The following RACK1 variants were observed in gnomAD, a reference collection of about 807,000 sequenced individuals.
RACK1 encodes receptor for activated C kinase 1.
A neutral mutation model predicts 42.2 loss-of-function variants in RACK1; 3 were observed. The observed-to-expected ratio is 0.07, with a 90% CI of 0.03 to 0.18. RACK1 has a LOEUF of 0.18. Among genes scored for constraint, RACK1 ranks in the 10% least tolerant of loss-of-function variants. The pLI, the probability that RACK1 is intolerant of heterozygous loss-of-function variation, is 1.00. For missense variants in RACK1, 146 were observed against 403.2 expected, an observed-to-expected ratio of 0.36 and a Z score of 5.46; for synonymous variants, 181 against 154.8, an observed-to-expected ratio of 1.17 and a Z score of -1.25.
chr5:181,241,426 C>CAAAAA lies in RACK1; in HGVS notation c.429+61_429+65dup, dbSNP rs57063983. 1,087 of 1,073,490 alleles carry CAAAAA rather than the reference C, an allele frequency of 1.0e-3. 3 individuals are homozygous for CAAAAA. Among genetic ancestry groups the CAAAAA allele is most frequent in the African/African-American group, 5.0e-3 (179 of 35,602 alleles). The allele number at this position is 1,073,490 out of a possible 1,614,324, so 66.5% of individuals were successfully genotyped here. On this transcript the variant is annotated intron_variant, in intron 3 of 7. Coordinates refer to ENST00000512805, the MANE Select transcript of RACK1 (RefSeq NM_006098.5). Reference sequence around the variant, plus strand: ...GCTTGGGCAAGAGTGAGACTGTCGCCAAAAAAAAAAAAAAAAAGCAAAGTT... The same window carrying CAAAAA: ...GCTTGGGCAAGAGTGAGACTGTCGCCAAAAAAAAAAAAAAAAAAAAAAGCAAAGTT...
rs189371625 is a variant in RACK1, at chr5:181,241,481, G to A, written c.429+11C>T. ...AGGGTGGAAGAGATCCTTGGAGATG[G>A]CTCACTTTACCTGGACAGTGTATTT... On this transcript the variant is annotated intron_variant, in intron 3 of 7. Coordinates refer to ENST00000512805, the MANE Select transcript of RACK1 (RefSeq NM_006098.5). 4.6e-5 allele frequency: 74 copies of A among 1,604,488 alleles called. No homozygotes were observed. The East Asian group carries it at 1.6e-3, about 34-fold the overall frequency.
In RACK1 at chr5:181,237,733, C is replaced by T; in HGVS notation, c.778-14G>A. 7.5e-7 allele frequency: 1 copy of T among 1,335,866 alleles called. No homozygotes were observed. The highest frequency in any genetic ancestry group is 1.1e-6 in the Non-Finnish European group (1 of 935,082). The allele number at this position is 1,335,866 out of a possible 1,614,324, so 82.8% of individuals were successfully genotyped here. On this transcript the variant is annotated splice_polypyrimidine_tract_variant and intron_variant, in intron 6 of 7. Transcript: ENST00000512805. ...TCCCTCTAAATCCTGGGGAACAGGGCAAAAGCAACCTTAAGACTTACCAAT... is the reference window on the plus strand; with the variant it reads ...TCCCTCTAAATCCTGGGGAACAGGGTAAAAGCAACCTTAAGACTTACCAAT...
At chr5:181,237,764 G>C (rs770729712) in intron 6 of RACK1, 45 bp from the exon 7 acceptor site, 2 of 1,032,418 alleles carry the variant, frequency 1.9e-6, no homozygotes, top group Admixed American at 1.7e-5. Flanking sequence ...CCAATCAAGA[G>C]AGTCTCCTCT....
chr5:181,237,089 G>A, intron 7 of RACK1, 47 bp from the exon 8 acceptor site: 2 of 1,610,344 alleles, frequency 1.2e-6, no homozygotes, highest in South Asian at 1.1e-5. Context: ...CATAAATTCT[G>A]CAGTCTCACT....
At chr5:181,243,218 CG>C in intron 1 of RACK1, 1 of 1,269,628 alleles carries the variant, frequency 7.9e-7, no homozygotes, top group Non-Finnish European at 1.0e-6. Context: ...GGGATAGGGA[CG>C]GGGAGAACCA....
chr5:181,243,845 T>A lies in RACK1; in HGVS notation c.-45A>T. 1 of 1,558,526 alleles carries A rather than the reference T, an allele frequency of 6.4e-7. No homozygotes were observed. Among genetic ancestry groups the A allele is most frequent in the Non-Finnish European group, 8.7e-7 (1 of 1,151,164 alleles). On this transcript the variant is annotated 5_prime_UTR_variant, in exon 1 of 8. Coordinates refer to ENST00000512805, the MANE Select transcript of RACK1 (RefSeq NM_006098.5). ...GTCGCTGCAGCGACGAGGATGGCACTGGATGGCTTAGAGAAACTAGCACCA... is the reference window on the plus strand; with the variant it reads ...GTCGCTGCAGCGACGAGGATGGCACAGGATGGCTTAGAGAAACTAGCACCA...
intron 7 of RACK1, 116 bp downstream of exon 7, chr5:181,237,493 A>T: frequency 1.4e-6 from 1 of 709,600 alleles, no homozygotes; most frequent in Non-Finnish European, 2.6e-6. Context: ...CTGGCTTGTC[A>T]TTTCACTTTA....
intron 4 of RACK1, 99 bp from the exon 5 acceptor site, chr5:181,239,276 A>T (rs2287716): frequency 2.4e-6 from 2 of 834,212 alleles, no homozygotes; most frequent in African/African-American, 3.3e-5. Context: ...TACGGTAGCC[A>T]TTTCTCATTC....
chr5:181,238,710 G>T, intron 5 of RACK1: 3 of 366,390 alleles, frequency 8.2e-6, no homozygotes, highest in South Asian at 6.5e-5. Flanking sequence ...GCTGAGATGG[G>T]AGAATTGCTT....
Position 181,243,896 on chromosome 5 carries a change from G to A in RACK1, c.-96C>T. 6.9e-7 allele frequency: 1 copy of A among 1,456,150 alleles called. No homozygotes were observed. Among genetic ancestry groups the A allele is most frequent in the Non-Finnish European group, 9.1e-7 (1 of 1,103,624 alleles). The allele number at this position is 1,456,150 out of a possible 1,614,324, so 90.2% of individuals were successfully genotyped here. A position where few individuals can be genotyped will look rare whatever the true frequency, so the allele number is the denominator to read the frequency against. Reference sequence around the variant, plus strand: ...CAACCTCTCCTGCCGCCGCCTTGCAGTGAAAGAGAGAGAGAAAAGCCCCCC... The same window carrying A: ...CAACCTCTCCTGCCGCCGCCTTGCAATGAAAGAGAGAGAGAAAAGCCCCCC... On this transcript the variant is annotated 5_prime_UTR_variant, in exon 1 of 8. Coordinates refer to ENST00000512805, the MANE Select transcript of RACK1 (RefSeq NM_006098.5).
intron 3 of RACK1, 83 bp downstream of exon 3, chr5:181,241,409 A>C: frequency 7.9e-7 from 1 of 1,264,372 alleles, no homozygotes; most frequent in Non-Finnish European, 1.1e-6. Flanking sequence ...CAGCTTGGGC[A>C]AGAGTGAGAC....
chr5:181,241,992 A>C, intron 2 of RACK1, 182 bp downstream of exon 2: 2 of 783,964 alleles, frequency 2.6e-6, no homozygotes, highest in Non-Finnish European at 4.5e-6. Context: ...GTTCAGCCAC[A>C]CTCCTCAGCA....
At chr5:181,238,069 G>A in intron 6 of RACK1, 30 bp downstream of exon 6, 1 of 1,612,538 alleles carries the variant, frequency 6.2e-7, no homozygotes, top group Non-Finnish European at 8.5e-7. Flanking sequence ...AGTGCAGCCA[G>A]GTACCCAGTC....
intron 2 of RACK1, 153 bp downstream of exon 2, chr5:181,242,018 TTTA>T: frequency 3.7e-6 from 3 of 801,696 alleles, no homozygotes; most frequent in Non-Finnish European, 6.5e-6. Context: ...GAGTAACTTA[TTTA>T]AAGTGAGGGA....
rs113323374 is a variant in RACK1, at chr5:181,238,242, G to A, written c.637-3C>T. 1.2e-6 allele frequency: 2 copies of A among 1,613,940 alleles called. No individual in the cohort carries two copies. The highest frequency in any genetic ancestry group is 2.2e-5 in the East Asian group (1 of 44,870). On this transcript the variant is annotated splice_region_variant and splice_polypyrimidine_tract_variant and intron_variant, in intron 5 of 7. Coordinates refer to ENST00000512805, the MANE Select transcript of RACK1 (RefSeq NM_006098.5). ...TCCCATAACATGGCCTGGCCATCCT[G>A]GACACAGGTAAGGTAAATCAGGACA...
At chr5:181,240,019 T>C (rs187384868) in intron 3 of RACK1, among the ~76,000 whole-genome samples, 250 of 152,228 alleles carry the variant, frequency 1.6e-3, no homozygotes, top group African/African-American at 5.7e-3. Flanking sequence ...CACTCCAGCC[T>C]GGGCAACGAA....
Position 181,237,958 on chromosome 5 carries a change from T to G in RACK1, c.777+141A>C, listed in dbSNP as rs1338865565. 5.8e-6 allele frequency: 5 copies of G among 862,606 alleles called. No individual in the cohort carries two copies. In the African/African-American group the frequency reaches 6.7e-5, roughly 12 times the overall value. 53.4% of individuals were successfully genotyped at this position (862,606 alleles called of 1,614,324 possible). ...TACAGGACTGCACACCACAACAGAG[T>G]TACTCAGACCAAAATGTCATTACGT... On this transcript the variant is annotated intron_variant, in intron 6 of 7. Transcript: ENST00000512805.
At chr5:181,243,582 G>C in intron 1 of RACK1, 110 bp downstream of exon 1, 1 of 1,443,312 alleles carries the variant, frequency 6.9e-7, no homozygotes, top group East Asian at 2.5e-5. Flanking sequence ...GTCAGTCCCC[G>C]CCAACTCGCG....
chr5:181,240,231 T>C (rs1348011233), intron 3 of RACK1: 1 of 167,036 alleles, frequency 6.0e-6, no homozygotes, highest in South Asian at 1.1e-4. Context: ...GGCAGGCGCC[T>C]GTAGTCCCAG....
Sources: gnomAD v4.1 joint callset for allele counts (sites outside exome capture counted in the v4.1 genomes callset) on GRCh38, gnomAD v4.1.1 for gene constraint, MANE v1.5 for transcripts, NCBI Gene and HGNC (gene_info 2026-07-23, HGNC 2026-07-21) for gene names.